Variants in BTF3L4 observed in about 807,000 individuals in gnomAD.
The protein encoded by BTF3L4 is basic transcription factor 3 like 4.
A neutral mutation model predicts 16.8 loss-of-function variants in BTF3L4; 6 were observed. The observed-to-expected ratio is 0.36, with a 90% CI of 0.20 to 0.71. BTF3L4 has a LOEUF of 0.71. Among genes scored for constraint, BTF3L4 ranks in the 30% least tolerant of loss-of-function variants. BTF3L4 has a pLI of 0.58. For missense variants in BTF3L4, 92 were observed against 186.9 expected (o/e 0.49, Z 2.96); for synonymous variants, 39 against 59.8 (o/e 0.65, Z 1.60).
At position 52,086,107 on chromosome 1, in the gene BTF3L4, T is replaced by G; in HGVS notation, c.371-5T>G. 6.3e-7 allele frequency: 1 copy of G among 1,589,150 alleles called. No homozygotes were observed. The highest frequency in any genetic ancestry group is 1.2e-5 in the South Asian group (1 of 85,830). ...ATGACTAATATTAAAATAAACTTTT[T>G]GTAGTCTTGGACAGTAAAGCACCAA... On this transcript the variant is annotated splice_polypyrimidine_tract_variant and splice_region_variant and intron_variant, in intron 4 of 5. Transcript: ENST00000313334.
At position 52,084,978 on chromosome 1, in the gene BTF3L4, A is replaced by G. The variant is rs1643956715; in HGVS notation, c.371-1134A>G. ...ATTGTAGTGCCCATACTACCTAGCT[A>G]GATACTTTCTTACACCAAAAGAAAT... On this transcript the variant is annotated intron_variant, in intron 4 of 5. Transcript: ENST00000313334. Among the ~76,000 whole-genome samples, 3 of 149,354 alleles carry G rather than the reference A, an allele frequency of 2.0e-5. No individual in the cohort carries two copies. In the South Asian group the frequency reaches 6.3e-4, roughly 32 times the overall value.
At chr1:52,059,189 C>A (rs552505229) in intron 1 of BTF3L4, among the ~76,000 whole-genome samples, 101 of 152,122 alleles carry the variant, frequency 6.6e-4, no homozygotes, top group Non-Finnish European at 1.4e-3. Context: ...TATATCAGTG[C>A]AGGGTATTGA....
In BTF3L4 at chr1:52,089,560, T is replaced by A. The variant is rs1644001257; in HGVS notation, c.*2802T>A. 6.6e-6 allele frequency: 1 copy of A among 152,294 alleles called. No individual in the cohort carries two copies. Among genetic ancestry groups the A allele is most frequent in the Non-Finnish European group, 1.5e-5 (1 of 68,020 alleles). The allele number at this position is 152,294 out of a possible 1,614,324, so 9.4% of individuals were successfully genotyped here. On this transcript the variant is annotated 3_prime_UTR_variant, in exon 6 of 6. Transcript: ENST00000313334. The stretch of plus-strand genomic sequence containing the variant: ...TTAAATATGTGCTTCTTACTAAGAT[T>A]AGGTATTTTTTGCCAAGATAACAAT...
In BTF3L4 at chr1:52,068,707, G is replaced by A. The variant is rs577011118; in HGVS notation, c.168+3769G>A. On this transcript the variant is annotated intron_variant, in intron 3 of 5. Transcript: ENST00000313334. ...CCTCCCCCACCAAAAAAAAGGGAAG[G>A]TAAGAGGTTCACCTGCCTTATATAG... Among the ~76,000 whole-genome samples the A allele has an allele frequency of 2.0e-5, 3 of 152,268 alleles. No homozygotes were observed. The South Asian group carries it at 6.2e-4, about 32-fold the overall frequency.
At position 52,087,779 on chromosome 1, in the gene BTF3L4, G is replaced by C. The variant is rs1051184886; in HGVS notation, c.*1021G>C. The C allele has an allele frequency of 6.6e-6, 1 of 152,584 alleles. No homozygotes were observed. The highest frequency in any genetic ancestry group is 1.5e-5 in the Non-Finnish European group (1 of 68,052). 9.5% of individuals were successfully genotyped at this position (152,584 alleles called of 1,614,324 possible). A position where few individuals can be genotyped will look rare whatever the true frequency, so the allele number is the denominator to read the frequency against. On this transcript the variant is annotated 3_prime_UTR_variant, in exon 6 of 6. Transcript: ENST00000313334. ...AGGTTGAAATTGGGAATGTCCTTTT[G>C]AATCAGAAGAAAATAGGCCATAGAC...
chr1:52,060,685 TGG>T, intron 2 of BTF3L4: 2 of 956,982 alleles, frequency 2.1e-6, no homozygotes, highest in Non-Finnish European at 2.6e-6. Context: ...CTTTTTGTAG[TGG>T]GTCCCACTGT....
At position 52,088,824 on chromosome 1, in the gene BTF3L4, C is replaced by A. The variant is rs1425381837; in HGVS notation, c.*2066C>A. Reference sequence around the variant, plus strand: ...GGGGATTTGCTCTTGTTGTCCAGGCCGAACTGCAATGTTGTGGTCTCGGCT... The same window carrying A: ...GGGGATTTGCTCTTGTTGTCCAGGCAGAACTGCAATGTTGTGGTCTCGGCT... On this transcript the variant is annotated 3_prime_UTR_variant, in exon 6 of 6. Coordinates refer to ENST00000313334, the MANE Select transcript of BTF3L4 (RefSeq NM_152265.5). 1 of 151,638 alleles carries A rather than the reference C, an allele frequency of 6.6e-6. No individual in the cohort carries two copies. 9.4% of individuals were successfully genotyped at this position (151,638 alleles called of 1,614,324 possible).
rs371859269 is a variant in BTF3L4 at position 52,086,787 on chromosome 1, C to G, written c.*29C>G. ...TTTGGTTTTTGGAAGCTGGCATGGA[C>G]TAGATTTAACAAATCAGCTATGTGG... On this transcript the variant is annotated 3_prime_UTR_variant, in exon 6 of 6. Transcript: ENST00000313334. 12 of 1,523,686 alleles carry G rather than the reference C, an allele frequency of 7.9e-6. No individual in the cohort carries two copies. The highest frequency in any genetic ancestry group is 1.1e-5 in the Non-Finnish European group (12 of 1,115,318). 94.4% of individuals were successfully genotyped at this position (1,523,686 alleles called of 1,614,324 possible).
intron 5 of BTF3L4, chr1:52,086,435 C>A (rs188212232): frequency 2.9e-5 from 14 of 484,982 alleles, no homozygotes; most frequent in African/African-American, 2.2e-4. Flanking sequence ...ATTGTTATAA[C>A]ATTTCTGTAT....
At chr1:52,073,530 A>T (rs545105854) in intron 3 of BTF3L4, among the ~76,000 whole-genome samples, 2 of 149,184 alleles carry the variant, frequency 1.3e-5, no homozygotes, top group Non-Finnish European at 3.0e-5. Flanking sequence ...ACACACACAC[A>T]TATGATTACA....
At chr1:52,075,945 G>C (rs565020341) in intron 3 of BTF3L4, among the ~76,000 whole-genome samples, 69 of 152,294 alleles carry the variant, frequency 4.5e-4, no homozygotes, top group Admixed American at 1.4e-3. Context: ...GATTACAGGA[G>C]TGAGCCACTG....
chr1:52,083,553 A>G lies in BTF3L4; in HGVS notation c.370+12A>G. The stretch of plus-strand genomic sequence containing the variant: ...GTTCCCACGGCAAGGTAGGTATTTC[A>G]ATTTAGTAAATCTTTCTCTCCCCAC... On this transcript the variant is annotated intron_variant, in intron 4 of 5. Transcript: ENST00000313334. 1 of 1,604,462 alleles carries G rather than the reference A, an allele frequency of 6.2e-7. No homozygotes were observed. Among genetic ancestry groups the G allele is most frequent in the Non-Finnish European group, 8.5e-7 (1 of 1,172,158 alleles).
intron 2 of BTF3L4, among the ~76,000 whole-genome samples, chr1:52,060,964 G>A (rs1186464844): frequency 6.6e-6 from 1 of 152,214 alleles, no homozygotes; most frequent in Non-Finnish European, 1.5e-5. Flanking sequence ...TTTTAAAACT[G>A]TGGTTGGTAC....
intron 1 of BTF3L4, among the ~76,000 whole-genome samples, chr1:52,056,711 C>G (rs1329419791): frequency 1.3e-5 from 2 of 152,262 alleles, no homozygotes; most frequent in African/African-American, 4.8e-5. Context: ...GTGCTTTGAG[C>G]TTTATACAGG....
At position 52,080,836 on chromosome 1, in the gene BTF3L4, C is replaced by CTTT. The variant is rs34697464; in HGVS notation, c.169-2484_169-2482dup. ...GGCGTGAGCCACTGCGCTCGGCCTT[C>CTTT]TTTTTTTTTTTTTTTTTTTTTTCTG... On this transcript the variant is annotated intron_variant, in intron 3 of 5. Coordinates refer to ENST00000313334, the MANE Select transcript of BTF3L4 (RefSeq NM_152265.5). Among the ~76,000 whole-genome samples the CTTT allele has an allele frequency of 1.2e-3, 97 of 83,544 alleles. 1 individual carries two copies. Among genetic ancestry groups the CTTT allele is most frequent in the African/African-American group, 2.3e-3 (51 of 22,162 alleles). The allele number at this position is 83,544 out of a possible 152,430, so 54.8% of individuals were successfully genotyped here.
At chr1:52,083,751 G>A (rs1239020515) in intron 4 of BTF3L4, among the ~76,000 whole-genome samples, 4 of 152,158 alleles carry the variant, frequency 2.6e-5, no homozygotes, top group Non-Finnish European at 5.9e-5. Context: ...TGGGCGTGGT[G>A]GCTCATGCCT....
intron 3 of BTF3L4, among the ~76,000 whole-genome samples, chr1:52,074,019 C>T (rs773803190): frequency 2.0e-5 from 3 of 151,576 alleles, no homozygotes; most frequent in Non-Finnish European, 4.4e-5. Context: ...AAATGTAATT[C>T]GCTGGGCATG....
chr1:52,064,215 T>C (rs905294055), intron 2 of BTF3L4, among the ~76,000 whole-genome samples: 2 of 152,232 alleles, frequency 1.3e-5, no homozygotes, highest in African/African-American at 4.8e-5. Flanking sequence ...TCAACTCATA[T>C]GTTACCTCTT....
rs1018322810 is a variant in BTF3L4 at position 52,070,572 on chromosome 1, C to G, written c.168+5634C>G. Among the ~76,000 whole-genome samples the G allele has an allele frequency of 1.1e-4, 12 of 109,762 alleles. No homozygotes were observed. In the Admixed American group the frequency reaches 1.2e-3, roughly 11 times the overall value. The allele number at this position is 109,762 out of a possible 152,430, so 72.0% of individuals were successfully genotyped here. On this transcript the variant is annotated intron_variant, in intron 3 of 5. Coordinates refer to ENST00000313334, the MANE Select transcript of BTF3L4 (RefSeq NM_152265.5). ...GACTCCATCTCAAAAAAAAAAAAAACAAAACTAAGGGATGAGGGGTTTCAG... is the reference window on the plus strand; with the variant it reads ...GACTCCATCTCAAAAAAAAAAAAAAGAAAACTAAGGGATGAGGGGTTTCAG...
Sources: gnomAD v4.1 joint callset for allele counts (sites outside exome capture counted in the v4.1 genomes callset) on GRCh38, gnomAD v4.1.1 for gene constraint, MANE v1.5 for transcripts, NCBI Gene and HGNC (gene_info 2026-07-23, HGNC 2026-07-21) for gene names.